Variants in ACOXL observed in about 807,000 individuals in gnomAD.
ACOXL encodes the protein acyl-CoA oxidase like.
ACOXL carries 70 observed loss-of-function variants against 71.9 expected under a neutral mutation model. The ratio of observed to expected loss-of-function variants is 0.97; its 90% CI spans 0.80 to 1.19. ACOXL has a LOEUF of 1.19. Among genes scored for constraint, ACOXL ranks in the 50% most tolerant of loss-of-function variants. ACOXL has a pLI of 0.00. For missense variants in ACOXL, 703 were observed against 736.3 expected (o/e 0.95, Z 0.52); for synonymous variants, 253 against 281.6 (o/e 0.90, Z 1.02).
At chr2:110,779,671 A>G (rs1033312511) in intron 2 of ACOXL, among the ~76,000 whole-genome samples, 3 of 152,268 alleles carry the variant, frequency 2.0e-5, no homozygotes, top group Admixed American at 1.3e-4. Flanking sequence ...ACTCACACAT[A>G]TATGACCAAT....
At chr2:110,983,031 A>C (rs1357921012) in intron 12 of ACOXL, among the ~76,000 whole-genome samples, 1 of 152,240 alleles carries the variant, frequency 6.6e-6, no homozygotes, top group African/African-American at 2.4e-5. Flanking sequence ...CCAGTGCCGT[A>C]AGTACTGCCA....
chr2:110,775,769 T>C (rs986063203), intron 2 of ACOXL, among the ~76,000 whole-genome samples: 11 of 152,088 alleles, frequency 7.2e-5, no homozygotes, highest in Admixed American at 5.9e-4. Flanking sequence ...GGAGAGGATA[T>C]GGAGAAACTG....
intron 12 of ACOXL, among the ~76,000 whole-genome samples, chr2:110,961,524 C>T (rs2061698528): frequency 6.6e-6 from 1 of 152,136 alleles, no homozygotes; most frequent in Non-Finnish European, 1.5e-5. Context: ...GCCTGTTGCC[C>T]TCTCCTCCAC....
At chr2:110,842,488 A>G (rs895355582) in intron 10 of ACOXL, among the ~76,000 whole-genome samples, 1 of 152,256 alleles carries the variant, frequency 6.6e-6, no homozygotes, top group Non-Finnish European at 1.5e-5. Context: ...TAAGTTTTAT[A>G]TAACATGGGA....
intron 16 of ACOXL, among the ~76,000 whole-genome samples, chr2:111,086,744 G>A (rs1309029547): frequency 6.6e-6 from 1 of 152,112 alleles, no homozygotes; most frequent in Non-Finnish European, 1.5e-5. Flanking sequence ...TTGAAAACCA[G>A]CACAAGACAA....
At chr2:110,916,285 CTTAG>C (rs1212838564) in intron 11 of ACOXL, among the ~76,000 whole-genome samples, 2 of 150,940 alleles carry the variant, frequency 1.3e-5, no homozygotes, top group Non-Finnish European at 2.9e-5. Flanking sequence ...TGTTTATCAG[CTTAG>C]TTAATCTTTT....
At chr2:110,961,359 A>G (rs1349381086) in intron 12 of ACOXL, among the ~76,000 whole-genome samples, 1 of 152,208 alleles carries the variant, frequency 6.6e-6, no homozygotes, top group Non-Finnish European at 1.5e-5. Context: ...TTGTGCTCCC[A>G]GAACTCCATT....
chr2:110,972,598 AC>A (rs1173866376), intron 12 of ACOXL, among the ~76,000 whole-genome samples: 2 of 151,718 alleles, frequency 1.3e-5, no homozygotes, highest in African/African-American at 4.9e-5. Flanking sequence ...ACATATATAC[AC>A]ACACATGCAT....
intron 11 of ACOXL, among the ~76,000 whole-genome samples, chr2:110,926,797 G>A (rs576996847): frequency 3.3e-5 from 5 of 151,806 alleles, no homozygotes; most frequent in African/African-American, 7.3e-5. Context: ...ATCTCTCCCC[G>A]ACCATCCCTG....
intron 9 of ACOXL, among the ~76,000 whole-genome samples, chr2:110,812,360 C>G (rs1687434296): frequency 6.6e-6 from 1 of 152,170 alleles, no homozygotes. Flanking sequence ...AGGTTTGTTA[C>G]ATAGGTAAAC....
chr2:110,908,998 C>T, intron 11 of ACOXL, 93 bp downstream of exon 11: 1 of 948,294 alleles, frequency 1.1e-6, no homozygotes, highest in South Asian at 1.8e-5. Flanking sequence ...ATGTCATTTT[C>T]TAACTGTGAT....
At chr2:110,898,992 G>A (rs1476351491) in intron 10 of ACOXL, among the ~76,000 whole-genome samples, 1 of 152,106 alleles carries the variant, frequency 6.6e-6, no homozygotes, top group East Asian at 1.9e-4. Flanking sequence ...ATTTATAATT[G>A]CTCAAAAAGT....
chr2:111,008,595 A>C (rs1368772788), intron 14 of ACOXL, among the ~76,000 whole-genome samples: 1 of 152,180 alleles, frequency 6.6e-6, no homozygotes, highest in Non-Finnish European at 1.5e-5. Context: ...CTTATTATAT[A>C]AATTTTAGTG....
At chr2:111,032,098 G>A (rs774688950) in intron 15 of ACOXL, among the ~76,000 whole-genome samples, 2 of 152,218 alleles carry the variant, frequency 1.3e-5, no homozygotes, top group African/African-American at 2.4e-5. Context: ...AAGTGAGAGT[G>A]TTTTAACAGG....
intron 17 of ACOXL, among the ~76,000 whole-genome samples, chr2:111,112,643 T>C (rs2289321): frequency 0.077 from 11,677 of 152,248 alleles, 552 homozygotes; most frequent in East Asian, 0.13. Context: ...AAAGTGAGAA[T>C]AGGTGCAGGT....
chr2:111,077,014 CT>C (rs2067635884), intron 16 of ACOXL, among the ~76,000 whole-genome samples: 1 of 152,130 alleles, frequency 6.6e-6, no homozygotes, highest in Non-Finnish European at 1.5e-5. Flanking sequence ...CCAGAATAAT[CT>C]CTCCATTTTA....
chr2:110,940,714 C>T (rs2060837066), intron 12 of ACOXL, among the ~76,000 whole-genome samples: 1 of 152,136 alleles, frequency 6.6e-6, no homozygotes, highest in South Asian at 2.1e-4. Flanking sequence ...TTCCATAACA[C>T]TTGATGGTCA....
intron 15 of ACOXL, among the ~76,000 whole-genome samples, chr2:111,046,173 C>T (rs1272326848): frequency 6.6e-6 from 1 of 152,252 alleles, no homozygotes; most frequent in Non-Finnish European, 1.5e-5. Flanking sequence ...TGCAGACTCA[C>T]TGCCAGCACC....
chr2:111,008,160 T>C (rs771871680), intron 14 of ACOXL, among the ~76,000 whole-genome samples: 1 of 152,318 alleles, frequency 6.6e-6, no homozygotes, highest in African/African-American at 2.4e-5. Flanking sequence ...TTTGGTGTGG[T>C]TTTATTACTT....
Sources: allele counts gnomAD v4.1 joint callset (sites outside exome capture counted in the v4.1 genomes callset), GRCh38; gene constraint gnomAD v4.1.1; transcripts MANE v1.5; gene names NCBI Gene and HGNC (gene_info 2026-07-23, HGNC 2026-07-21).